GATAD2A: variants seen among roughly 807,000 people sequenced by gnomAD.
GATAD2A encodes transcriptional repressor p66-alpha.
Under a neutral mutation model 68.5 loss-of-function variants are expected in GATAD2A, and 12 were observed. That is an observed-to-expected ratio of 0.18 (90% confidence interval 0.11 to 0.28). The LOEUF is 0.28. Among genes scored for constraint, GATAD2A ranks in the 10% least tolerant of loss-of-function variants. The pLI is 1.00. For missense variants in GATAD2A, 755 were observed against 868.5 expected (o/e 0.87, Z 1.64); for synonymous variants, 410 against 375.3 (o/e 1.09, Z -1.07).
chr19:19,420,568 C>T (rs1276247143), intron 1 of GATAD2A, among the ~76,000 whole-genome samples: 1 of 150,780 alleles, frequency 6.6e-6, no homozygotes. Flanking sequence ...TCTCGATCTC[C>T]TGACCTCGTG....
chr19:19,452,233 C>T (rs1226701962), intron 1 of GATAD2A, among the ~76,000 whole-genome samples: 1 of 152,150 alleles, frequency 6.6e-6, no homozygotes, highest in African/African-American at 2.4e-5. Context: ...TCATGGGCGC[C>T]ATGTGTTCCT....
chr19:19,447,165 C>T (rs1037878442), intron 1 of GATAD2A, among the ~76,000 whole-genome samples: 1 of 152,118 alleles, frequency 6.6e-6, no homozygotes, highest in East Asian at 1.9e-4. Flanking sequence ...TAGAGACCCC[C>T]TGGGGGGCAT....
At chr19:19,484,005 A>AC in intron 2 of GATAD2A, among the ~76,000 whole-genome samples, 1 of 152,018 alleles carries the variant, frequency 6.6e-6, no homozygotes, top group South Asian at 2.1e-4. Context: ...CTCTGAGTGA[A>AC]CACCACCCCT....
intron 1 of GATAD2A, among the ~76,000 whole-genome samples, chr19:19,415,691 C>T (rs2051532988): frequency 6.8e-6 from 1 of 147,510 alleles, no homozygotes; most frequent in Non-Finnish European, 1.5e-5. Context: ...GTTCTTGGCT[C>T]ACTGCAACTT....
intron 1 of GATAD2A, among the ~76,000 whole-genome samples, chr19:19,415,471 A>G (rs187543488): frequency 0.012 from 1,709 of 144,034 alleles, 13 homozygotes; most frequent in Non-Finnish European, 0.018. Flanking sequence ...TTTTTTGGAG[A>G]TGGAGTCTCA....
At chr19:19,395,633 TCA>T (rs1473325495) in intron 1 of GATAD2A, among the ~76,000 whole-genome samples, 1 of 152,128 alleles carries the variant, frequency 6.6e-6, no homozygotes, top group African/African-American at 2.4e-5. Flanking sequence ...TGTTATATTA[TCA>T]CAGTGTTCCC....
chr19:19,386,313 C>T (rs1410220426), intron 1 of GATAD2A, among the ~76,000 whole-genome samples: 3 of 151,942 alleles, frequency 2.0e-5, no homozygotes, highest in Non-Finnish European at 4.4e-5. Flanking sequence ...ACCCCCGCCT[C>T]TCTAGGAGAC....
chr19:19,428,104 T>C (rs1006127308), intron 1 of GATAD2A: 4 of 152,222 alleles, frequency 2.6e-5, no homozygotes, highest in Non-Finnish European at 5.9e-5. Flanking sequence ...TCCTCAGTAT[T>C]AGAGAAGTCA....
intron 8 of GATAD2A, among the ~76,000 whole-genome samples, chr19:19,500,835 G>A (rs568136565): frequency 6.6e-5 from 10 of 152,292 alleles, no homozygotes; most frequent in African/African-American, 1.9e-4. Flanking sequence ...TTATTAACTC[G>A]TACACAAGCA....
intron 7 of GATAD2A, among the ~76,000 whole-genome samples, chr19:19,497,242 C>T (rs1330877330): frequency 6.6e-6 from 1 of 152,198 alleles, no homozygotes; most frequent in Non-Finnish European, 1.5e-5. Flanking sequence ...ACTACAGGCG[C>T]CTGCCACCAT....
chr19:19,445,746 T>A (rs2055633203), intron 1 of GATAD2A, among the ~76,000 whole-genome samples: 1 of 152,244 alleles, frequency 6.6e-6, no homozygotes, highest in Admixed American at 6.5e-5. Flanking sequence ...GTGTCAGAGT[T>A]TCATTCCTTT....
At chr19:19,419,429 T>C (rs928360859) in intron 1 of GATAD2A, among the ~76,000 whole-genome samples, 3 of 151,554 alleles carry the variant, frequency 2.0e-5, no homozygotes, top group Admixed American at 6.6e-5. Context: ...GTCCTGGGAG[T>C]TTCTAGCAAT....
chr19:19,458,766 G>A (rs1429217375), intron 1 of GATAD2A, among the ~76,000 whole-genome samples: 1 of 152,118 alleles, frequency 6.6e-6, no homozygotes, highest in Non-Finnish European at 1.5e-5. Flanking sequence ...TTTAAGCTGC[G>A]TGGACATCTT....
chr19:19,413,931 G>A (rs914419620), intron 1 of GATAD2A, among the ~76,000 whole-genome samples: 1 of 152,040 alleles, frequency 6.6e-6, no homozygotes, highest in Admixed American at 6.6e-5. Context: ...ACTGACCTCG[G>A]TAGTTTGTAT....
At chr19:19,460,291 A>G (rs7250658) in intron 1 of GATAD2A, among the ~76,000 whole-genome samples, 28,917 of 152,144 alleles carry the variant, frequency 0.19, 2,970 homozygotes, top group South Asian at 0.33. Flanking sequence ...TGTGCTGTGC[A>G]TCAATCTGTG....
At position 19,505,450 on chromosome 19, in the gene GATAD2A, C is replaced by T; in HGVS notation, c.1881C>T (p.Ile627=). The change falls in exon 12 of 12, where the codon ATC becomes ATT. Residue 627 remains isoleucine (I), a synonymous_variant. Transcript: ENST00000683918. The part of the protein sequence containing the change: ...YLLDMIPPRS[I]PQSATWK ...TGGACATGATCCCACCCCGCTCCAT[C>T]CCCCAGTCAGCCACGTGGAAATAGT... 1 of 1,605,428 alleles carries T rather than the reference C, an allele frequency of 6.2e-7. No homozygotes were observed. Among genetic ancestry groups the T allele is most frequent in the Non-Finnish European group, 8.5e-7 (1 of 1,175,706 alleles).
chr19:19,465,220 AT>A, intron 1 of GATAD2A, 119 bp from the exon 2 acceptor site: 1 of 766,636 alleles, frequency 1.3e-6, no homozygotes, highest in South Asian at 1.6e-5. Context: ...TTTGTTGTAC[AT>A]TCTTTTGCCA....
rs527880564 is a variant in GATAD2A at position 19,415,382 on chromosome 19, C to T, written c.-7+9363C>T. Among the ~76,000 whole-genome samples, 12 of 151,376 alleles carry T rather than the reference C, an allele frequency of 7.9e-5. No individual in the cohort carries two copies. In the East Asian group the frequency reaches 1.8e-3, roughly 22 times the overall value. On this transcript the variant is annotated intron_variant, in intron 1 of 11. Transcript: ENST00000683918. ...GTTGGTCAGGCTGGTCTTGAACTCG[C>T]GACTTCAGGTGATCTGCCCGCTTTG...
At chr19:19,454,333 ACTGC>A (rs924996566) in intron 1 of GATAD2A, among the ~76,000 whole-genome samples, 4 of 149,174 alleles carry the variant, frequency 2.7e-5, no homozygotes, top group African/African-American at 9.8e-5. Context: ...GCAGTGGCTC[ACTGC>A]CTGTAATCCC....
Sources: allele counts gnomAD v4.1 joint callset (sites outside exome capture counted in the v4.1 genomes callset), GRCh38; gene constraint gnomAD v4.1.1; transcripts MANE v1.5; gene names NCBI Gene and HGNC (gene_info 2026-07-23, HGNC 2026-07-21).